Variants in ALDH1A2 observed in about 807,000 individuals in gnomAD.
ALDH1A2 encodes the protein retinal dehydrogenase 2.
In ALDH1A2, 27 loss-of-function variants were observed where a neutral mutation model predicts 60.3. The observed-to-expected ratio is 0.45, with a 90% CI of 0.33 to 0.62. ALDH1A2 has a LOEUF of 0.62. Ranked by LOEUF, ALDH1A2 falls within the 20% of genes least tolerant of loss-of-function variation. The pLI is 0.02. For missense variants in ALDH1A2, 581 were observed against 643.8 expected (o/e 0.90, Z 1.06); for synonymous variants, 289 against 232.4 (o/e 1.24, Z -2.21).
intron 1 of ALDH1A2, among the ~76,000 whole-genome samples, chr15:58,032,399 A>C (rs1896264349): frequency 6.6e-6 from 1 of 152,140 alleles, no homozygotes; most frequent in Non-Finnish European, 1.5e-5. Context: ...AGATATACCT[A>C]ATGTTAAATG....
intron 7 of ALDH1A2, among the ~76,000 whole-genome samples, chr15:57,977,494 T>G (rs1894303707): frequency 6.6e-6 from 1 of 152,242 alleles, no homozygotes; most frequent in African/African-American, 2.4e-5. Context: ...TTGGATTTTG[T>G]TAGGTTTGTC....
chr15:57,982,592 T>A (rs1191411228), intron 7 of ALDH1A2, among the ~76,000 whole-genome samples: 3 of 152,214 alleles, frequency 2.0e-5, no homozygotes, highest in Admixed American at 2.0e-4. Context: ...TAAAGTAACG[T>A]TAAACTTTAT....
chr15:57,996,869 T>C (rs1188838452), intron 4 of ALDH1A2, among the ~76,000 whole-genome samples: 1 of 152,056 alleles, frequency 6.6e-6, no homozygotes, highest in East Asian at 1.9e-4. Flanking sequence ...CTGCAACTTG[T>C]TTTGATTTAT....
chr15:57,967,952 A>C (rs1250669615), intron 7 of ALDH1A2, among the ~76,000 whole-genome samples: 2 of 152,272 alleles, frequency 1.3e-5, no homozygotes, highest in Non-Finnish European at 2.9e-5. Context: ...GGGAATGCTG[A>C]AAATTATGAC....
At position 57,956,816 on chromosome 15, in the gene ALDH1A2, C is replaced by T. The variant is rs572568298; in HGVS notation, c.1485-1547G>A. ...TCCTTTGTTTCCTGGCTTCTGCACGCACTTGTTGGGGCAGGTCGCGAGCCA... is the reference window on the plus strand; with the variant it reads ...TCCTTTGTTTCCTGGCTTCTGCACGTACTTGTTGGGGCAGGTCGCGAGCCA... On this transcript the variant is annotated intron_variant, in intron 12 of 12. Transcript: ENST00000249750. Among the ~76,000 whole-genome samples the T allele has an allele frequency of 2.0e-5, 3 of 152,272 alleles. No homozygotes were observed. In the East Asian group the frequency reaches 5.8e-4, roughly 29 times the overall value.
intron 1 of ALDH1A2, among the ~76,000 whole-genome samples, chr15:58,029,992 C>T (rs1896188841): frequency 6.6e-6 from 1 of 152,190 alleles, no homozygotes; most frequent in African/African-American, 2.4e-5. Flanking sequence ...CCTTCTGAAA[C>T]TATTCCAATC....
chr15:57,989,290 A>G (rs1431535140), intron 7 of ALDH1A2, among the ~76,000 whole-genome samples: 1 of 148,390 alleles, frequency 6.7e-6, no homozygotes, highest in Non-Finnish European at 1.5e-5. Flanking sequence ...GATTTTTATC[A>G]TATTATATCA....
chr15:58,053,568 T>C (rs1896828206), intron 1 of ALDH1A2, among the ~76,000 whole-genome samples: 2 of 152,174 alleles, frequency 1.3e-5, no homozygotes, highest in Admixed American at 1.3e-4. Context: ...TATGCATACA[T>C]GCCTATACTA....
chr15:57,978,560 T>C (rs1284658242), intron 7 of ALDH1A2, among the ~76,000 whole-genome samples: 1 of 152,254 alleles, frequency 6.6e-6, no homozygotes, highest in Non-Finnish European at 1.5e-5. Context: ...GATAAGATTT[T>C]TTTTTTCCTT....
intron 7 of ALDH1A2, among the ~76,000 whole-genome samples, chr15:57,983,334 G>A (rs1159631622): frequency 6.6e-6 from 1 of 152,112 alleles, no homozygotes; most frequent in South Asian, 2.1e-4. Context: ...GTGAGTCCCT[G>A]AGGACTCACG....
At chr15:57,960,320 C>T (rs753089250) in intron 12 of ALDH1A2, among the ~76,000 whole-genome samples, 3 of 152,152 alleles carry the variant, frequency 2.0e-5, no homozygotes, top group African/African-American at 4.8e-5. Context: ...GCTGAGGGAA[C>T]GGGCATGAAA....
chr15:57,960,397 T>G (rs949711373), intron 12 of ALDH1A2, among the ~76,000 whole-genome samples: 17 of 152,150 alleles, frequency 1.1e-4, no homozygotes, highest in African/African-American at 4.1e-4. Flanking sequence ...GGAGGGAAAG[T>G]GGGTTCTTTT....
chr15:57,964,179 G>C (rs1893821641), intron 8 of ALDH1A2, 110 bp from the exon 9 acceptor site: 1 of 1,149,216 alleles, frequency 8.7e-7, no homozygotes, highest in African/African-American at 1.5e-5. Flanking sequence ...CTCACTGCAT[G>C]ACATAACCAT....
chr15:58,001,246 T>C (rs1895257505), intron 4 of ALDH1A2, among the ~76,000 whole-genome samples: 1 of 151,824 alleles, frequency 6.6e-6, no homozygotes, highest in African/African-American at 2.4e-5. Flanking sequence ...TGGATCTGGG[T>C]CTTCAGACTT....
At chr15:57,998,286 C>T (rs59092730) in intron 4 of ALDH1A2, among the ~76,000 whole-genome samples, 214 of 151,910 alleles carry the variant, frequency 1.4e-3, no homozygotes, top group African/African-American at 4.9e-3. Flanking sequence ...TGACATGGTC[C>T]TATATCTAGA....
intron 12 of ALDH1A2, among the ~76,000 whole-genome samples, chr15:57,960,242 T>C (rs763559173): frequency 2.6e-5 from 4 of 152,208 alleles, no homozygotes; most frequent in Non-Finnish European, 5.9e-5. Context: ...GCTTTGTACA[T>C]ATTTATGCTC....
chr15:57,959,962 T>C (rs1893667414), intron 12 of ALDH1A2, among the ~76,000 whole-genome samples: 1 of 152,146 alleles, frequency 6.6e-6, no homozygotes, highest in South Asian at 2.1e-4. Flanking sequence ...CTACCCTGTT[T>C]TGCCCGACAA....
intron 1 of ALDH1A2, among the ~76,000 whole-genome samples, chr15:58,032,232 A>G (rs1351373720): frequency 1.3e-5 from 2 of 152,126 alleles, no homozygotes; most frequent in African/African-American, 4.8e-5. Flanking sequence ...GGAAACCATC[A>G]TTCTCAGCAA....
At chr15:57,984,021 AATT>A (rs1410579913) in intron 7 of ALDH1A2, among the ~76,000 whole-genome samples, 1 of 152,226 alleles carries the variant, frequency 6.6e-6, no homozygotes, top group Non-Finnish European at 1.5e-5. Context: ...TGCACTGAGA[AATT>A]ATCCTTCCTA....
Sources: gnomAD v4.1 joint callset for allele counts (sites outside exome capture counted in the v4.1 genomes callset) on GRCh38, gnomAD v4.1.1 for gene constraint, MANE v1.5 for transcripts, NCBI Gene and HGNC (gene_info 2026-07-23, HGNC 2026-07-21) for gene names.